Variants in MEMO1 observed in about 807,000 individuals in gnomAD.
MEMO1 encodes the protein mediator of cell motility 1.
MEMO1 carries 6 observed loss-of-function variants against 45.2 expected under a neutral mutation model. The observed-to-expected ratio is 0.13, with a 90% CI of 0.07 to 0.26. The LOEUF is 0.26. Ranked by LOEUF, MEMO1 falls within the 10% of genes least tolerant of loss-of-function variation. The pLI is 1.00. For synonymous variants in MEMO1, 78 were observed against 124.3 expected (o/e 0.63, Z 2.48); for missense variants, 184 against 370.5 (o/e 0.50, Z 4.13).
rs1359158051 is a variant in MEMO1 at position 31,957,668 on chromosome 2, G to C, written c.62-14285C>G. Among the ~76,000 whole-genome samples the C allele has an allele frequency of 3.9e-5, 6 of 152,168 alleles. No individual in the cohort carries two copies. In the South Asian group the frequency reaches 6.2e-4, roughly 16 times the overall value. On this transcript the variant is annotated intron_variant, in intron 2 of 9. Coordinates refer to ENST00000404530, the MANE Select transcript of MEMO1 (RefSeq NM_001301833.4). Reference sequence around the variant, plus strand: ...ATACTCTAGAAAAGAACCATCTAGAGAACAGTCAAGACATGAAACACCTTA... The same window carrying C: ...ATACTCTAGAAAAGAACCATCTAGACAACAGTCAAGACATGAAACACCTTA...
At chr2:31,941,770 G>T (rs1224308290) in intron 3 of MEMO1, among the ~76,000 whole-genome samples, 1 of 152,202 alleles carries the variant, frequency 6.6e-6, no homozygotes, top group South Asian at 2.1e-4. Flanking sequence ...CACATAGCTT[G>T]TAAGTAGGAG....
intron 5 of MEMO1, among the ~76,000 whole-genome samples, chr2:31,918,527 G>A (rs1300868587): frequency 1.3e-5 from 2 of 152,006 alleles, no homozygotes; most frequent in Non-Finnish European, 2.9e-5. Flanking sequence ...AAAATGTGTG[G>A]TATTATTTCA....
At chr2:31,910,785 AG>A (rs1196972592) in intron 6 of MEMO1, among the ~76,000 whole-genome samples, 7 of 152,098 alleles carry the variant, frequency 4.6e-5, no homozygotes, top group African/African-American at 1.4e-4. Context: ...CCTTCAGCCC[AG>A]GAGGTGGAAG....
intron 8 of MEMO1, among the ~76,000 whole-genome samples, chr2:31,881,659 C>CT (rs1388021579): frequency 1.3e-5 from 2 of 151,936 alleles, no homozygotes; most frequent in Admixed American, 6.6e-5. Flanking sequence ...TTTTCTTATG[C>CT]TTTTTTTATA....
At chr2:31,908,378 T>A (rs1485404753) in intron 6 of MEMO1, among the ~76,000 whole-genome samples, 1 of 151,652 alleles carries the variant, frequency 6.6e-6, no homozygotes, top group African/African-American at 2.4e-5. Context: ...AAAAAAACAA[T>A]GAAAGAGATT....
At chr2:31,964,641 C>T (rs1346378015) in intron 2 of MEMO1, among the ~76,000 whole-genome samples, 1 of 151,938 alleles carries the variant, frequency 6.6e-6, no homozygotes, top group Non-Finnish European at 1.5e-5. Flanking sequence ...GCGGAGGTTG[C>T]GGTGAGCCGA....
chr2:31,988,510 C>T (rs1260680057), intron 2 of MEMO1, among the ~76,000 whole-genome samples: 1 of 151,976 alleles, frequency 6.6e-6, no homozygotes, highest in Non-Finnish European at 1.5e-5. Flanking sequence ...TGGGGCACTG[C>T]ACTCCAGCCT....
intron 7 of MEMO1, among the ~76,000 whole-genome samples, chr2:31,888,807 C>T (rs906891863): frequency 9.2e-5 from 14 of 151,904 alleles, no homozygotes; most frequent in African/African-American, 3.4e-4. Context: ...TTGGGGAACT[C>T]AAATGAGGGG....
chr2:31,909,574 C>T (rs1056237394), intron 6 of MEMO1, among the ~76,000 whole-genome samples: 2 of 151,876 alleles, frequency 1.3e-5, no homozygotes, highest in Non-Finnish European at 2.9e-5. Context: ...AGAGCTATAC[C>T]AGGAAAATTT....
chr2:31,918,190 TAGAA>T (rs1260948277), intron 5 of MEMO1, among the ~76,000 whole-genome samples, 153 bp from the exon 6 acceptor site: 7 of 148,440 alleles, frequency 4.7e-5, no homozygotes, highest in African/African-American at 1.2e-4. Flanking sequence ...AACAAAACAA[TAGAA>T]AGAAAGGAAA....
chr2:31,937,468 T>C (rs1051156180), intron 3 of MEMO1, among the ~76,000 whole-genome samples: 3 of 152,224 alleles, frequency 2.0e-5, no homozygotes, highest in Non-Finnish European at 4.4e-5. Context: ...CTCAGTAACT[T>C]GAAGAACTAA....
At chr2:31,883,343 A>T (rs1371531887) in intron 8 of MEMO1, 43 bp downstream of exon 8, 1 of 1,315,584 alleles carries the variant, frequency 7.6e-7, no homozygotes, top group Non-Finnish European at 1.1e-6. Flanking sequence ...GAAATTAAAG[A>T]AAAAGCCTTA....
At chr2:31,905,145 G>T (rs915015284) in intron 6 of MEMO1, among the ~76,000 whole-genome samples, 2 of 152,052 alleles carry the variant, frequency 1.3e-5, no homozygotes, top group Admixed American at 1.3e-4. Flanking sequence ...GAGGTGGGAG[G>T]ATCGCTTGAG....
At chr2:31,898,528 G>C (rs951894872) in intron 6 of MEMO1, among the ~76,000 whole-genome samples, 1 of 152,164 alleles carries the variant, frequency 6.6e-6, no homozygotes, top group Non-Finnish European at 1.5e-5. Context: ...GTGCGGTTTT[G>C]AGTGAGTTTC....
At chr2:31,926,227 C>T (rs1047659147) in intron 4 of MEMO1, among the ~76,000 whole-genome samples, 38 of 152,052 alleles carry the variant, frequency 2.5e-4, no homozygotes, top group African/African-American at 8.4e-4. Flanking sequence ...TAAAAAATAG[C>T]CAGGCATGCT....
At chr2:31,913,352 G>C (rs1374808097) in intron 6 of MEMO1, among the ~76,000 whole-genome samples, 1 of 150,708 alleles carries the variant, frequency 6.6e-6, no homozygotes. Context: ...ATGGGGGGAA[G>C]CTTAAAAGCT....
At chr2:31,916,767 T>G (rs1223398399) in intron 6 of MEMO1, among the ~76,000 whole-genome samples, 1 of 152,184 alleles carries the variant, frequency 6.6e-6, no homozygotes, top group Non-Finnish European at 1.5e-5. Context: ...ATTCTTCAGA[T>G]TTATATAATT....
At chr2:31,949,181 C>G (rs546827064) in intron 2 of MEMO1, among the ~76,000 whole-genome samples, 1 of 152,250 alleles carries the variant, frequency 6.6e-6, no homozygotes, top group East Asian at 1.9e-4. Flanking sequence ...ATTAGTACAA[C>G]CACTATGGAG....
chr2:31,882,306 G>T (rs1008428854), intron 8 of MEMO1, among the ~76,000 whole-genome samples: 3 of 152,156 alleles, frequency 2.0e-5, no homozygotes, highest in Admixed American at 1.3e-4. Context: ...AACGGAATGA[G>T]TCCCTGTCTC....
Sources: allele counts gnomAD v4.1 joint callset (sites outside exome capture counted in the v4.1 genomes callset), GRCh38; gene constraint gnomAD v4.1.1; transcripts MANE v1.5; gene names NCBI Gene and HGNC (gene_info 2026-07-23, HGNC 2026-07-21).